RBFOX1: variants seen among roughly 807,000 people sequenced by gnomAD.
RBFOX1 encodes the protein RNA binding protein fox-1 homolog 1.
In RBFOX1, 8 loss-of-function variants were observed where a neutral mutation model predicts 57.7. The observed-to-expected ratio is 0.14, with a 90% CI of 0.08 to 0.25. The LOEUF (loss-of-function observed/expected upper bound fraction) is 0.25. Ranked by LOEUF, RBFOX1 falls within the 10% of genes least tolerant of loss-of-function variation. The pLI is 1.00. For missense variants in RBFOX1, 611 were observed against 548.5 expected (o/e 1.11, Z -1.14); for synonymous variants, 326 against 222.4 (o/e 1.47, Z -4.15).
chr16:6,119,576 G>C (rs796950516), intron 1 of RBFOX1, among the ~76,000 whole-genome samples: 1 of 152,156 alleles, frequency 6.6e-6, no homozygotes, highest in African/African-American at 2.4e-5. Context: ...ACTTGTGTAA[G>C]GAAGCATTTT....
intron 3 of RBFOX1, among the ~76,000 whole-genome samples, chr16:5,740,001 C>T (rs1486209187): frequency 1.3e-5 from 2 of 152,182 alleles, no homozygotes; most frequent in Non-Finnish European, 2.9e-5. Context: ...GTGTGGCCAG[C>T]AGTGGGAGGG....
At chr16:7,541,288 T>C (rs2082850690) in intron 5 of RBFOX1, among the ~76,000 whole-genome samples, 1 of 152,184 alleles carries the variant, frequency 6.6e-6, no homozygotes, top group Non-Finnish European at 1.5e-5. Context: ...CTTCTAAAAG[T>C]GAGTGTCTAC....
In RBFOX1 at chr16:6,168,818, C is replaced by CA. The variant is rs2096936995; in HGVS notation, c.-126-148177_-126-148176insA. ...TTTCACTGGTTCTTTCACTTTTTTA[C>CA]TTTTTTTTTTTTTAAACACTCTCCC... On this transcript the variant is annotated intron_variant, in intron 1 of 15. Transcript: ENST00000550418. Among the ~76,000 whole-genome samples the CA allele has an allele frequency of 3.5e-5, 5 of 143,848 alleles. No homozygotes were observed. The Admixed American group carries it at 3.5e-4, about 10-fold the overall frequency. 94.4% of individuals were successfully genotyped at this position (143,848 alleles called of 152,430 possible).
chr16:6,637,935 A>T (rs1205184740), intron 2 of RBFOX1, among the ~76,000 whole-genome samples: 1 of 152,140 alleles, frequency 6.6e-6, no homozygotes, highest in African/African-American at 2.4e-5. Context: ...AAAATGACAA[A>T]GTCTCTGTGC....
intron 11 of RBFOX1, among the ~76,000 whole-genome samples, chr16:7,640,530 G>A (rs1333361943): frequency 6.6e-6 from 1 of 152,190 alleles, no homozygotes; most frequent in Non-Finnish European, 1.5e-5. Flanking sequence ...GGATGCTTTT[G>A]CTTTGTGTCA....
chr16:5,774,743 C>T (rs1262472570), intron 3 of RBFOX1, among the ~76,000 whole-genome samples: 6 of 152,092 alleles, frequency 3.9e-5, no homozygotes, highest in Non-Finnish European at 5.9e-5. Context: ...AGTGCAGTGG[C>T]GCAATCTTGG....
chr16:6,329,246 G>C (rs1162434316), intron 2 of RBFOX1, among the ~76,000 whole-genome samples: 3 of 152,144 alleles, frequency 2.0e-5, no homozygotes, highest in African/African-American at 7.2e-5. Context: ...TTGCTTATGG[G>C]CCAGGCTGTG....
At chr16:6,208,325 A>G (rs543612714) in intron 1 of RBFOX1, among the ~76,000 whole-genome samples, 2 of 152,268 alleles carry the variant, frequency 1.3e-5, no homozygotes, top group South Asian at 2.1e-4. Flanking sequence ...TGTTGAAAGC[A>G]AACACCTATT....
At chr16:5,641,974 C>G (rs1326410341) in intron 3 of RBFOX1, among the ~76,000 whole-genome samples, 1 of 152,132 alleles carries the variant, frequency 6.6e-6, no homozygotes, top group African/African-American at 2.4e-5. Context: ...TGAGGTGGGA[C>G]TCGTGATTCT....
At chr16:7,649,110 G>T (rs2064381921) in intron 11 of RBFOX1, among the ~76,000 whole-genome samples, 1 of 152,114 alleles carries the variant, frequency 6.6e-6, no homozygotes, top group African/African-American at 2.4e-5. Context: ...AGCTTATAAA[G>T]AAAGTAAAAT....
At chr16:6,391,825 G>T (rs1296783107) in intron 2 of RBFOX1, among the ~76,000 whole-genome samples, 3 of 152,194 alleles carry the variant, frequency 2.0e-5, no homozygotes, top group African/African-American at 7.2e-5. Flanking sequence ...TCCTCGAAGA[G>T]CTCACACTGA....
chr16:7,348,655 C>G (rs1386917712), intron 4 of RBFOX1, among the ~76,000 whole-genome samples: 1 of 152,144 alleles, frequency 6.6e-6, no homozygotes, highest in Non-Finnish European at 1.5e-5. Context: ...CAGAATTACA[C>G]AAAAGGCCGG....
chr16:7,346,275 G>A (rs1175509227), intron 4 of RBFOX1, among the ~76,000 whole-genome samples: 1 of 151,892 alleles, frequency 6.6e-6, no homozygotes, highest in Non-Finnish European at 1.5e-5. Flanking sequence ...GGCCACATGG[G>A]ACACACACAC....
At chr16:7,546,145 G>A (rs1044374533) in intron 5 of RBFOX1, among the ~76,000 whole-genome samples, 3 of 151,776 alleles carry the variant, frequency 2.0e-5, no homozygotes, top group Non-Finnish European at 4.4e-5. Flanking sequence ...TGGCCAACAT[G>A]GTGAAACCCT....
At chr16:7,393,259 A>T (rs1048721353) in intron 4 of RBFOX1, among the ~76,000 whole-genome samples, 11 of 152,152 alleles carry the variant, frequency 7.2e-5, no homozygotes, top group Non-Finnish European at 1.3e-4. Context: ...GCTATGGCCC[A>T]TGCAGGATCT....
At chr16:5,645,691 G>T (rs2151343313) in intron 3 of RBFOX1, among the ~76,000 whole-genome samples, 1 of 152,284 alleles carries the variant, frequency 6.6e-6, no homozygotes, top group East Asian at 1.9e-4. Flanking sequence ...TCACAGACAG[G>T]ATCTTGGTCT....
chr16:6,076,547 A>C (rs1371308587), intron 1 of RBFOX1, among the ~76,000 whole-genome samples: 4 of 152,052 alleles, frequency 2.6e-5, no homozygotes, highest in Non-Finnish European at 5.9e-5. Context: ...AGCTCACTGC[A>C]GCCTCGATCT....
chr16:5,984,946 T>TTATATATATATA (rs61004841), intron 4 of RBFOX1, among the ~76,000 whole-genome samples: 33 of 69,650 alleles, frequency 4.7e-4, no homozygotes, highest in African/African-American at 2.3e-3. Context: ...GGCAACTCCA[T>TTATATATATATA]TATATATATA....
chr16:5,992,504 A>G (rs2060417779), intron 4 of RBFOX1, among the ~76,000 whole-genome samples: 1 of 152,160 alleles, frequency 6.6e-6, no homozygotes, highest in African/African-American at 2.4e-5. Context: ...TTTTCCTGCA[A>G]CTGGTATGAG....
Sources: allele counts gnomAD v4.1 joint callset (sites outside exome capture counted in the v4.1 genomes callset), GRCh38; gene constraint gnomAD v4.1.1; transcripts MANE v1.5; gene names NCBI Gene and HGNC (gene_info 2026-07-23, HGNC 2026-07-21).